LIMA1: variants seen among roughly 807,000 people sequenced by gnomAD.
LIMA1 encodes the protein LIM domain and actin-binding protein 1.
LIMA1 carries 52 observed loss-of-function variants against 62.6 expected under a neutral mutation model. The ratio of observed to expected loss-of-function variants is 0.83; its 90% CI spans 0.67 to 1.05. The LOEUF (loss-of-function observed/expected upper bound fraction) is 1.05, where lower values mean the gene tolerates loss of function less well. Among genes scored for constraint, LIMA1 ranks in the 50% least tolerant of loss-of-function variants. The probability of loss-of-function intolerance (pLI) is 0.00; values close to 1 mark genes in which losing one functional copy is unlikely to be tolerated. For synonymous variants in LIMA1, 302 were observed against 317.8 expected (o/e 0.95, Z 0.53); for missense variants, 780 against 902.2 (o/e 0.86, Z 1.74).
chr12:50,202,450 C>G (rs1039422659), intron 6 of LIMA1, among the ~76,000 whole-genome samples: 3 of 152,150 alleles, frequency 2.0e-5, no homozygotes, highest in Non-Finnish European at 4.4e-5. Context: ...GGAATGTTTA[C>G]AGCAGGAGGG....
chr12:50,272,783 C>T lies in LIMA1; in HGVS notation c.-24+10637G>A, dbSNP rs1200554220. On this transcript the variant is annotated intron_variant, in intron 1 of 10. Coordinates refer to ENST00000341247, the MANE Select transcript of LIMA1 (RefSeq NM_016357.5). ...GGTTATAGGGCCGGGCGTGGTGGTTCACCCCTGTAATCCCAGCACTTTGGG... is the reference window on the plus strand; with the variant it reads ...GGTTATAGGGCCGGGCGTGGTGGTTTACCCCTGTAATCCCAGCACTTTGGG... Among the ~76,000 whole-genome samples the T allele has an allele frequency of 2.6e-5, 4 of 151,702 alleles. No individual in the cohort carries two copies. The East Asian group carries it at 7.9e-4, about 30-fold the overall frequency.
At chr12:50,230,057 C>CG (rs1223445256) in intron 3 of LIMA1, 1 of 152,198 alleles carries the variant, frequency 6.6e-6, no homozygotes, top group Non-Finnish European at 1.5e-5. Context: ...TTTTTTGAGA[C>CG]GGGGTCTCAC....
intron 2 of LIMA1, among the ~76,000 whole-genome samples, chr12:50,236,161 T>C (rs1186247888): frequency 1.3e-5 from 2 of 151,380 alleles, no homozygotes; most frequent in Non-Finnish European, 2.9e-5. Flanking sequence ...CCAGACTCCA[T>C]CTCAAAAAAA....
At chr12:50,224,428 T>G (rs1213573859) in intron 3 of LIMA1, 1 of 152,222 alleles carries the variant, frequency 6.6e-6, no homozygotes, top group Non-Finnish European at 1.5e-5. Flanking sequence ...AAAGTTTTCT[T>G]GCTGGAAAAG....
At chr12:50,239,639 C>G (rs1278968792) in intron 2 of LIMA1, among the ~76,000 whole-genome samples, 1 of 151,416 alleles carries the variant, frequency 6.6e-6, no homozygotes, top group Non-Finnish European at 1.5e-5. Context: ...GACTCTGTCT[C>G]AAAAAACAAA....
At chr12:50,228,536 T>C (rs1490407193) in intron 3 of LIMA1, among the ~76,000 whole-genome samples, 1 of 152,226 alleles carries the variant, frequency 6.6e-6, no homozygotes, top group Non-Finnish European at 1.5e-5. Flanking sequence ...CTCCAACCTT[T>C]AAACACCAAG....
At chr12:50,217,496 T>C (rs1321051716) in intron 4 of LIMA1, among the ~76,000 whole-genome samples, 1 of 151,732 alleles carries the variant, frequency 6.6e-6, no homozygotes, top group Non-Finnish European at 1.5e-5. Flanking sequence ...GTAAAATCTT[T>C]TTTTTTTTTT....
chr12:50,282,574 T>C (rs970716021), intron 1 of LIMA1, among the ~76,000 whole-genome samples: 1 of 152,234 alleles, frequency 6.6e-6, no homozygotes, highest in Admixed American at 6.5e-5. Context: ...TAAGTTGCCT[T>C]GGCTGGTCTC....
intron 4 of LIMA1, among the ~76,000 whole-genome samples, chr12:50,209,521 T>C (rs894729426): frequency 6.8e-6 from 1 of 146,466 alleles, no homozygotes; most frequent in African/African-American, 2.6e-5. Flanking sequence ...TGAGCAGAAA[T>C]TGTGCCACTG....
chr12:50,240,063 T>TAAAAA (rs1941755047), intron 2 of LIMA1, among the ~76,000 whole-genome samples: 1 of 144,076 alleles, frequency 6.9e-6, no homozygotes, highest in South Asian at 2.3e-4. Context: ...TAACATAAAA[T>TAAAAA]AAAAAATTTT....
intron 2 of LIMA1, among the ~76,000 whole-genome samples, chr12:50,239,454 A>G (rs893474960): frequency 5.3e-5 from 8 of 151,808 alleles, no homozygotes; most frequent in African/African-American, 1.9e-4. Flanking sequence ...CCTGGGCAAC[A>G]TGGAGAAACC....
intron 1 of LIMA1, among the ~76,000 whole-genome samples, chr12:50,264,640 G>C (rs190576367): frequency 6.6e-6 from 1 of 152,152 alleles, no homozygotes; most frequent in African/African-American, 2.4e-5. Flanking sequence ...TGCCTTACGG[G>C]GTTGTTTTAA....
intron 1 of LIMA1, among the ~76,000 whole-genome samples, chr12:50,249,192 A>G (rs1195389926): frequency 6.6e-6 from 1 of 152,148 alleles, no homozygotes. Flanking sequence ...CTCTCTCCCC[A>G]AGCTCTGCAG....
chr12:50,263,802 T>TGA (rs1168120592), intron 1 of LIMA1, among the ~76,000 whole-genome samples: 3 of 142,882 alleles, frequency 2.1e-5, no homozygotes, highest in African/African-American at 8.1e-5. Flanking sequence ...TGTGTGTGTG[T>TGA]GTGTGTGTGT....
intron 1 of LIMA1, among the ~76,000 whole-genome samples, chr12:50,272,813 C>T (rs1021471917): frequency 2.0e-5 from 3 of 151,398 alleles, no homozygotes; most frequent in South Asian, 2.1e-4. Flanking sequence ...TTTGGGAGGC[C>T]GAGGCAGGCA....
intron 2 of LIMA1, among the ~76,000 whole-genome samples, chr12:50,238,373 G>C (rs1941725853): frequency 6.6e-6 from 1 of 152,028 alleles, no homozygotes; most frequent in South Asian, 2.1e-4. Context: ...CAGGTGTGGT[G>C]GTGGGCACCT....
At chr12:50,275,603 T>TA (rs1434067443) in intron 1 of LIMA1, among the ~76,000 whole-genome samples, 1 of 152,154 alleles carries the variant, frequency 6.6e-6, no homozygotes, top group African/African-American at 2.4e-5. Flanking sequence ...GGCTTTTTTT[T>TA]ATTAAAAAAA....
intron 1 of LIMA1, among the ~76,000 whole-genome samples, chr12:50,260,264 C>T (rs527955358): frequency 1.3e-5 from 2 of 152,160 alleles, no homozygotes; most frequent in South Asian, 4.1e-4. Context: ...TCTCCTGCCT[C>T]AGCCTTCCGA....
Position 50,222,380 on chromosome 12 carries a change from G to C in LIMA1, c.271C>G (p.Arg91Gly), listed in dbSNP as rs746415602. ...TGCCTAATCTCAGTGCTGCTGTTCC[G>C]TAGAGAGTCTGTGTGAGACTCTGCT... ...LGAESHTDSLRNSSTEIRHRA... is the reference protein window; with the variant it reads ...LGAESHTDSLGNSSTEIRHRA... The change falls in exon 4 of 11, where the codon CGG (arginine) becomes GGG (glycine). Residue 91 changes from arginine to glycine, a missense_variant. Arg to Gly is a moderately radical substitution (Grantham distance 125, BLOSUM62 -2). Transcript: ENST00000341247. 6.2e-7 allele frequency: 1 copy of C among 1,614,168 alleles called. No individual in the cohort carries two copies. The highest frequency in any genetic ancestry group is 2.2e-5 in the East Asian group (1 of 44,892).
Sources: gnomAD v4.1 joint callset for allele counts (sites outside exome capture counted in the v4.1 genomes callset) on GRCh38, gnomAD v4.1.1 for gene constraint, MANE v1.5 for transcripts, NCBI Gene and HGNC (gene_info 2026-07-23, HGNC 2026-07-21) for gene names.